SWT1: variants seen among roughly 807,000 people sequenced by gnomAD.
SWT1 encodes the protein SWT1 RNA endoribonuclease homolog.
Under a neutral mutation model 107.3 loss-of-function variants are expected in SWT1, and 33 were observed. That is an observed-to-expected ratio of 0.31 (90% confidence interval 0.23 to 0.41). The LOEUF (loss-of-function observed/expected upper bound fraction) is 0.41. Ranked by LOEUF, SWT1 falls within the 10% of genes least tolerant of loss-of-function variation. The pLI is 1.00. For synonymous variants in SWT1, 345 were observed against 348.3 expected (o/e 0.99, Z 0.11); for missense variants, 898 against 1,028.9 (o/e 0.87, Z 1.74).
intron 14 of SWT1, among the ~76,000 whole-genome samples, chr1:185,217,373 C>T (rs1659300524): frequency 6.6e-6 from 1 of 152,272 alleles, no homozygotes; most frequent in East Asian, 1.9e-4. Flanking sequence ...CTGAGCCCCA[C>T]CTTTTGTCAG....
At chr1:185,187,422 C>G (rs1217564536) in intron 9 of SWT1, among the ~76,000 whole-genome samples, 9 of 152,128 alleles carry the variant, frequency 5.9e-5, no homozygotes, top group East Asian at 1.9e-4. Flanking sequence ...CTGCCACTCC[C>G]CCAATCAGAC....
At chr1:185,176,826 T>C (rs1655602297) in intron 5 of SWT1, 1 of 444,792 alleles carries the variant, frequency 2.2e-6, no homozygotes, top group South Asian at 9.5e-5. Context: ...CTACTAAAAA[T>C]ACAAAAAATT....
intron 16 of SWT1, among the ~76,000 whole-genome samples, chr1:185,232,439 C>T (rs1463187353): frequency 6.6e-6 from 1 of 152,158 alleles, no homozygotes; most frequent in South Asian, 2.1e-4. Flanking sequence ...ACCTGCTATA[C>T]TTGGTATCGT....
intron 13 of SWT1, among the ~76,000 whole-genome samples, chr1:185,211,491 G>T (rs149074473): frequency 3.3e-4 from 50 of 152,240 alleles, no homozygotes; most frequent in African/African-American, 1.2e-3. Context: ...GTTTATTAGG[G>T]ATATGATTAT....
Position 185,174,900 on chromosome 1 carries a change from T to C in SWT1, c.753T>C (p.Asn251=), listed in dbSNP as rs768787994. 6 of 1,613,882 alleles carry C rather than the reference T, an allele frequency of 3.7e-6. No individual in the cohort carries two copies. Among genetic ancestry groups the C allele is most frequent in the Admixed American group, 1.7e-5 (1 of 59,992 alleles). Residue 251 remains asparagine (N), a synonymous_variant, in exon 5 of 19, where the codon AAT becomes AAC. Coordinates refer to ENST00000367500, the MANE Select transcript of SWT1 (RefSeq NM_017673.7). The part of the protein sequence containing the change: ...RDTLQKLVEE[N]VFNIDSNNSK... ...CCCTCCAGAAACTTGTAGAAGAAAA[T>C]GTCTTCAACATAGATTCTAATAATT... is the stretch of plus-strand genomic sequence containing the variant.
chr1:185,160,979 A>C, intron 2 of SWT1, 54 bp downstream of exon 2: 1 of 1,306,252 alleles, frequency 7.7e-7, no homozygotes, highest in Non-Finnish European at 1.1e-6. Flanking sequence ...TTTTTGCTTA[A>C]TGAAAAAAAT....
chr1:185,265,653 C>T (rs1005492175), intron 16 of SWT1, among the ~76,000 whole-genome samples: 2 of 152,136 alleles, frequency 1.3e-5, no homozygotes, highest in Non-Finnish European at 2.9e-5. Flanking sequence ...GGTTAATTAG[C>T]CTTTTTTGTG....
At chr1:185,171,683 T>G (rs1286645143) in intron 4 of SWT1, 1 of 512,806 alleles carries the variant, frequency 2.0e-6, no homozygotes, top group Non-Finnish European at 3.8e-6. Flanking sequence ...TTGCCCCCCT[T>G]TACCACAAGG....
intron 1 of SWT1, among the ~76,000 whole-genome samples, 166 bp from the exon 2 acceptor site, chr1:185,160,667 A>C (rs952992627): frequency 2.6e-5 from 4 of 152,070 alleles, no homozygotes; most frequent in African/African-American, 9.7e-5. Flanking sequence ...ATCCCACTGC[A>C]CTCCAGCCTG....
intron 16 of SWT1, among the ~76,000 whole-genome samples, chr1:185,257,467 G>A (rs566634932): frequency 4.6e-5 from 7 of 151,948 alleles, no homozygotes; most frequent in South Asian, 2.1e-4. Flanking sequence ...AGCCAGGTGC[G>A]GGATATAATC....
chr1:185,206,416 T>G (rs1334752943), intron 12 of SWT1, among the ~76,000 whole-genome samples: 1 of 152,212 alleles, frequency 6.6e-6, no homozygotes, highest in Non-Finnish European at 1.5e-5. Context: ...CTGAAACTAT[T>G]AAGATTAATA....
chr1:185,258,889 G>A (rs889918890), intron 16 of SWT1, among the ~76,000 whole-genome samples: 3 of 151,962 alleles, frequency 2.0e-5, no homozygotes, highest in African/African-American at 7.2e-5. Context: ...TCTCCAAATA[G>A]TGCCTCTCTA....
intron 8 of SWT1, 43 bp from the exon 9 acceptor site, chr1:185,184,700 A>G: frequency 6.6e-7 from 1 of 1,524,106 alleles, no homozygotes; most frequent in Middle Eastern, 1.7e-4. Flanking sequence ...TTAGTAGCTC[A>G]ATAAATGTTT....
chr1:185,236,741 G>A (rs1423991376), intron 16 of SWT1, among the ~76,000 whole-genome samples: 1 of 152,146 alleles, frequency 6.6e-6, no homozygotes, highest in African/African-American at 2.4e-5. Context: ...AAGAGCTTCT[G>A]CACAGCAAAA....
At chr1:185,222,775 A>AAG (rs1258568600) in intron 15 of SWT1, among the ~76,000 whole-genome samples, 1 of 151,744 alleles carries the variant, frequency 6.6e-6, no homozygotes, top group Admixed American at 6.6e-5. Context: ...AAAAAAAAAA[A>AAG]AAAAAAAAAA....
At chr1:185,162,355 TCTC>T (rs1433942490) in intron 2 of SWT1, among the ~76,000 whole-genome samples, 2 of 152,212 alleles carry the variant, frequency 1.3e-5, no homozygotes, top group Non-Finnish European at 2.9e-5. Context: ...AATTACACCT[TCTC>T]CTCGAAACAC....
At chr1:185,288,483 TTGTCC>T (rs1275736551) in intron 18 of SWT1, among the ~76,000 whole-genome samples, 2 of 152,160 alleles carry the variant, frequency 1.3e-5, no homozygotes, top group East Asian at 3.8e-4. Flanking sequence ...TCACTACTCC[TTGTCC>T]TGTCCCGAGT....
rs1217199494 is a variant in SWT1, at chr1:185,254,714, TC to T, written c.2442-16607del. 2.6e-5 allele frequency among the ~76,000 whole-genome samples: 4 copies of T among 151,984 alleles called. No homozygotes were observed. In the East Asian group the frequency reaches 7.8e-4, roughly 29 times the overall value. On this transcript the variant is annotated intron_variant, in intron 16 of 18. Coordinates refer to ENST00000367500, the MANE Select transcript of SWT1 (RefSeq NM_017673.7). ...GCTAGCAGTCTATCAATTTTGTTGA[TC>T]CTTTCAAAAAACCAGCTCCTGGATT...
intron 16 of SWT1, among the ~76,000 whole-genome samples, chr1:185,269,897 T>C (rs945390397): frequency 5.9e-5 from 9 of 152,200 alleles, no homozygotes; most frequent in African/African-American, 2.2e-4. Context: ...ATTAAAAATA[T>C]TACAAGTCAA....
Sources: gnomAD v4.1 joint callset for allele counts (sites outside exome capture counted in the v4.1 genomes callset) on GRCh38, gnomAD v4.1.1 for gene constraint, MANE v1.5 for transcripts, NCBI Gene and HGNC (gene_info 2026-07-23, HGNC 2026-07-21) for gene names.